Variants in CHST11 observed in about 807,000 individuals in gnomAD.
The protein encoded by CHST11 is carbohydrate sulfotransferase 11, also known as C4S-1.
In CHST11, 9 loss-of-function variants were observed where a neutral mutation model predicts 30.4. The ratio of observed to expected loss-of-function variants is 0.30; its 90% CI spans 0.18 to 0.52. The LOEUF (loss-of-function observed/expected upper bound fraction) is 0.52, where lower values mean the gene tolerates loss of function less well. CHST11 is among the 20% of genes least tolerant of loss of function. The pLI is 0.97. For missense variants in CHST11, 348 were observed against 460.6 expected (o/e 0.76, Z 2.24); for synonymous variants, 152 against 187.8 (o/e 0.81, Z 1.56).
chr12:104,727,091 T>G (rs942403015), intron 2 of CHST11, among the ~76,000 whole-genome samples: 2 of 152,128 alleles, frequency 1.3e-5, no homozygotes, highest in African/African-American at 4.8e-5. Flanking sequence ...GACATTTATT[T>G]GGCCATCCAC....
intron 1 of CHST11, among the ~76,000 whole-genome samples, chr12:104,462,167 C>CAAAAAAAAAAAAAAAAAAAA (rs796356338): frequency 4.6e-5 from 3 of 65,592 alleles, no homozygotes; most frequent in Admixed American, 1.8e-4. Context: ...AACACCATCT[C>CAAAAAAAAAAAAAAAAAAAA]AAAAAAAAAA....
chr12:104,704,064 T>G (rs2040012342), intron 2 of CHST11, among the ~76,000 whole-genome samples: 1 of 151,948 alleles, frequency 6.6e-6, no homozygotes, highest in Non-Finnish European at 1.5e-5. Context: ...TGGCACCAAG[T>G]GGGAAGTCAA....
At chr12:104,673,344 A>G (rs2039713232) in intron 2 of CHST11, among the ~76,000 whole-genome samples, 1 of 152,156 alleles carries the variant, frequency 6.6e-6, no homozygotes, top group South Asian at 2.1e-4. Context: ...GGTTTGTTAC[A>G]TGGATTAACA....
At chr12:104,743,929 G>A (rs1283156644) in intron 2 of CHST11, among the ~76,000 whole-genome samples, 1 of 89,234 alleles carries the variant, frequency 1.1e-5, no homozygotes, top group Non-Finnish European at 2.3e-5. Flanking sequence ...TCCCAGCAGA[G>A]GACATGATCT....
At chr12:104,722,155 A>AGTGTGTGTGTGT (rs57545833) in intron 2 of CHST11, among the ~76,000 whole-genome samples, 7,678 of 137,488 alleles carry the variant, frequency 0.056, 345 homozygotes, top group East Asian at 0.096. Flanking sequence ...CACTCAGCTA[A>AGTGTGTGTGTGT]GTGTGTGTGT....
At chr12:104,703,048 C>T (rs927210567) in intron 2 of CHST11, among the ~76,000 whole-genome samples, 3 of 152,188 alleles carry the variant, frequency 2.0e-5, no homozygotes, top group Non-Finnish European at 4.4e-5. Flanking sequence ...ATGCTGGCTT[C>T]TCGCATTCCC....
rs115438514 is a variant in CHST11, at chr12:104,750,124, G to C, written c.205-6825G>C. ...TTATTGTCTTGGGCTAATTGGAAAT[G>C]AGCAGAAAAGGAAAATATATACATG... On this transcript the variant is annotated intron_variant, in intron 2 of 2. Coordinates refer to ENST00000303694, the MANE Select transcript of CHST11 (RefSeq NM_018413.6). Among the ~76,000 whole-genome samples the C allele has an allele frequency of 3.3e-3, 501 of 152,152 alleles. 3 individuals are homozygous for C. Among genetic ancestry groups the C allele is most frequent in the African/African-American group, 0.011 (472 of 41,508 alleles).
intron 2 of CHST11, among the ~76,000 whole-genome samples, chr12:104,668,749 C>A (rs1361256634): frequency 6.6e-6 from 1 of 152,162 alleles, no homozygotes; most frequent in Admixed American, 6.5e-5. Flanking sequence ...GAGGGAGAAA[C>A]CCCAGACTCT....
intron 1 of CHST11, among the ~76,000 whole-genome samples, chr12:104,593,084 C>A (rs2038876148): frequency 6.6e-6 from 1 of 152,230 alleles, no homozygotes; most frequent in Non-Finnish European, 1.5e-5. Context: ...ATACCAAGCA[C>A]ATTCACGTAA....
At chr12:104,469,169 G>A (rs1295606649) in intron 1 of CHST11, among the ~76,000 whole-genome samples, 2 of 152,148 alleles carry the variant, frequency 1.3e-5, no homozygotes, top group Non-Finnish European at 2.9e-5. Context: ...TTTACTGAAA[G>A]GATCTGACTT....
intron 1 of CHST11, among the ~76,000 whole-genome samples, chr12:104,590,117 C>T (rs1469966809): frequency 6.6e-6 from 1 of 152,202 alleles, no homozygotes; most frequent in Non-Finnish European, 1.5e-5. Flanking sequence ...CACCCAGGCC[C>T]CTGGCCTCGT....
chr12:104,584,275 T>TTTTC (rs1555234072), intron 1 of CHST11, among the ~76,000 whole-genome samples: 3 of 150,988 alleles, frequency 2.0e-5, no homozygotes, highest in Non-Finnish European at 4.4e-5. Context: ...TTTTTTTTTT[T>TTTTC]TCACAGCGTC....
chr12:104,686,516 G>A (rs1243172400), intron 2 of CHST11, among the ~76,000 whole-genome samples: 2 of 152,156 alleles, frequency 1.3e-5, no homozygotes, highest in African/African-American at 2.4e-5. Context: ...ACTTCCTGTT[G>A]GCTATTTATT....
intron 1 of CHST11, among the ~76,000 whole-genome samples, chr12:104,509,268 C>T (rs888103952): frequency 6.6e-6 from 1 of 152,206 alleles, no homozygotes; most frequent in Non-Finnish European, 1.5e-5. Context: ...GTCACTTGCT[C>T]CTCTTTGCCT....
At chr12:104,623,038 G>A (rs1209212003) in intron 2 of CHST11, among the ~76,000 whole-genome samples, 1 of 152,176 alleles carries the variant, frequency 6.6e-6, no homozygotes, top group South Asian at 2.1e-4. Flanking sequence ...TCTGTAAAGG[G>A]CCAGACAGCA....
intron 1 of CHST11, among the ~76,000 whole-genome samples, chr12:104,533,137 C>A (rs921872011): frequency 5.9e-5 from 9 of 152,152 alleles, no homozygotes; most frequent in Non-Finnish European, 1.0e-4. Flanking sequence ...CAACAGATTC[C>A]ATCACTCTGT....
At chr12:104,724,080 G>C (rs1269216755) in intron 2 of CHST11, among the ~76,000 whole-genome samples, 2 of 152,188 alleles carry the variant, frequency 1.3e-5, no homozygotes, top group South Asian at 2.1e-4. Flanking sequence ...CACTTTAGCT[G>C]CTCTGTTGAA....
At chr12:104,488,292 C>T (rs906813943) in intron 1 of CHST11, among the ~76,000 whole-genome samples, 3 of 152,068 alleles carry the variant, frequency 2.0e-5, no homozygotes, top group Middle Eastern at 6.3e-3. Context: ...TGAGGAGGTG[C>T]TCCACATGCA....
intron 2 of CHST11, among the ~76,000 whole-genome samples, chr12:104,651,569 C>T (rs2039489786): frequency 6.6e-6 from 1 of 152,118 alleles, no homozygotes; most frequent in Non-Finnish European, 1.5e-5. Context: ...GACCTGGGGG[C>T]CAGTCCTGCT....
Sources: allele counts gnomAD v4.1 joint callset (sites outside exome capture counted in the v4.1 genomes callset), GRCh38; gene constraint gnomAD v4.1.1; transcripts MANE v1.5; gene names NCBI Gene and HGNC (gene_info 2026-07-23, HGNC 2026-07-21).